The following HR variants were observed in gnomAD, a reference collection of about 807,000 sequenced individuals.
HR encodes HR lysine demethylase and nuclear receptor corepressor.
A neutral mutation model predicts 128.6 loss-of-function variants in HR; 83 were observed. The ratio of observed to expected loss-of-function variants is 0.65; its 90% confidence interval spans 0.54 to 0.77. The LOEUF is 0.77. Among genes scored for constraint, HR ranks in the 30% least tolerant of loss-of-function variants. The pLI is 0.00. For missense variants in HR, 1,490 were observed against 1,574.6 expected (o/e 0.95, Z 0.91); for synonymous variants, 681 against 658.2 (o/e 1.03, Z -0.53).
intron 12 of HR, 79 bp from the exon 13 acceptor site, chr8:22,120,252 G>C (rs954163199): frequency 1.9e-6 from 3 of 1,607,562 alleles, no homozygotes; most frequent in Middle Eastern, 1.6e-4. Context: ...CCTGCTTCCA[G>C]CCCCTCGGGG....
chr8:22,119,125 G>C, intron 15 of HR, 39 bp downstream of exon 15: 1 of 1,613,720 alleles, frequency 6.2e-7, no homozygotes, highest in Non-Finnish European at 8.5e-7. Flanking sequence ...ACTCACCTCT[G>C]TAGCTTGTCC....
At chr8:22,126,677 C>T (rs988159206) in intron 3 of HR, among the ~76,000 whole-genome samples, 51 of 152,364 alleles carry the variant, frequency 3.3e-4, no homozygotes, top group African/African-American at 1.2e-3. Context: ...TCTTCTTCCC[C>T]ATTTTATAGA....
chr8:22,122,835 GC>G lies in HR; in HGVS notation c.1959del (p.His654ThrfsTer6). On this transcript the variant is annotated frameshift_variant, in exon 7 of 19. Transcript: ENST00000381418. LOFTEE classifies it high-confidence loss of function. Reference protein sequence around the residue: ...QSAEECTQEAGHAACSLMLTQ... With the variant: ...QSAEECTQEAXHAACSLMLTQ... ...GTCAGCATCAGGGAACAGGCAGCGT[GC>G]CCGGCCTCCTGCGTGCACTCCTCCG... The G allele has an allele frequency of 6.4e-7, 1 of 1,556,324 alleles. No homozygotes were observed. The highest frequency in any genetic ancestry group is 8.7e-7 in the Non-Finnish European group (1 of 1,150,074).
chr8:22,129,546 A>T (rs1826996490), intron 1 of HR, among the ~76,000 whole-genome samples: 6 of 152,250 alleles, frequency 3.9e-5, no homozygotes, highest in Admixed American at 3.3e-4. Flanking sequence ...CACTGAATGA[A>T]GAAAAAGGCT....
At position 22,115,828 on chromosome 8, in the gene HR, C is replaced by T. The variant is rs1330697742; in HGVS notation, c.3508-66G>A. On this transcript the variant is annotated intron_variant, in intron 18 of 18. Transcript: ENST00000381418. ...CCTGGGCCCACCCGCTGTCCCCCAC[C>T]CTACTTAAAAGGAATACTCTGGCCA... is the stretch of plus-strand genomic sequence containing the variant. 3 of 1,501,938 alleles carry T rather than the reference C, an allele frequency of 2.0e-6. No homozygotes were observed. The Admixed American group carries it at 5.3e-5, about 26-fold the overall frequency. The allele number at this position is 1,501,938 out of a possible 1,614,324, so 93.0% of individuals were successfully genotyped here. A position where few individuals can be genotyped will look rare whatever the true frequency, so the allele number is the denominator to read the frequency against.
rs1586382512 is a variant in HR at position 22,125,687 on chromosome 8, T to C, written c.1451A>G (p.Asp484Gly). The C allele has an allele frequency of 6.2e-7, 1 of 1,613,916 alleles. No individual in the cohort carries two copies. The highest frequency in any genetic ancestry group is 1.7e-5 in the Admixed American group (1 of 60,000). ...TGCAGGGAGAGCCAGGCATGGTATG[T>C]CCTGAAGTCCCGGGTCCTGGAGACT... ...QASLQDPGLQ[D>G]IPCLALPAKL... The change falls in exon 4 of 19, where the codon GAC becomes GGC. Residue 484 changes from aspartate (D) to glycine (G), a missense_variant. Asp to Gly is a moderately conservative substitution (Grantham distance 94). Transcript: ENST00000381418.
Position 22,119,007 on chromosome 8 carries a change from A to G in HR, c.3156T>C (p.Thr1052=), listed in dbSNP as rs771606156. ...CCTGTGCCCGGAACACGTGCCACAC[A>G]GTGCTGACCTGGCTGCCCGGAGACC... ...GLWSPGSQVS[T]VWHVFRAQDA... is the part of the protein sequence containing the mutation. The change falls in exon 16 of 19, where the codon ACT becomes ACC. Residue 1052 remains threonine, a synonymous_variant. Transcript: ENST00000381418. 2.5e-6 allele frequency: 4 copies of G among 1,612,954 alleles called. No individual in the cohort carries two copies. Among genetic ancestry groups the G allele is most frequent in the African/African-American group, 2.7e-5 (2 of 74,938 alleles).
chr8:22,128,436 C>CT, intron 2 of HR, 123 bp downstream of exon 2: 1 of 1,374,130 alleles, frequency 7.3e-7, no homozygotes, highest in Non-Finnish European at 1.0e-6. Flanking sequence ...CAGCTCCAAG[C>CT]TGATAGACCC....
chr8:22,117,442 C>T (rs527558555), intron 16 of HR: 4 of 194,270 alleles, frequency 2.1e-5, no homozygotes, highest in African/African-American at 9.4e-5. Context: ...CATCTGAAGT[C>T]TTTGGAATGG....
Position 22,116,500 on chromosome 8 carries a change from T to G in HR, c.3379-72A>C. Reference sequence around the variant, plus strand: ...CTCCCTGTCCCCCTGGTCCCTGAGGTTCGCTTCCTCTAATGACAACCACCC... The same window carrying G: ...CTCCCTGTCCCCCTGGTCCCTGAGGGTCGCTTCCTCTAATGACAACCACCC... On this transcript the variant is annotated intron_variant, in intron 17 of 18. Coordinates refer to ENST00000381418, the MANE Select transcript of HR (RefSeq NM_005144.5). The surrounding 1 kb of genome is among the most constrained non-coding windows in gnomAD (Gnocchi z 4.2). 1 of 1,564,370 alleles carries G rather than the reference T, an allele frequency of 6.4e-7. No homozygotes were observed. Among genetic ancestry groups the G allele is most frequent in the South Asian group, 1.2e-5 (1 of 84,944 alleles).
intron 16 of HR, 57 bp downstream of exon 16, chr8:22,118,893 G>C: frequency 6.8e-7 from 1 of 1,474,504 alleles, no homozygotes; most frequent in Non-Finnish European, 9.4e-7. Flanking sequence ...GGGTGGGACT[G>C]GACGAGCTTC....
chr8:22,118,610 A>C, intron 16 of HR: 1 of 355,848 alleles, frequency 2.8e-6, no homozygotes, highest in Non-Finnish European at 5.3e-6. Flanking sequence ...GCCAATGGGA[A>C]AGGAGCAGTG....
At position 22,120,716 on chromosome 8, in the gene HR, C is replaced by T; in HGVS notation, c.2610G>A (p.Gln870=). The T allele has an allele frequency of 6.7e-7, 1 of 1,500,722 alleles. No individual in the cohort carries two copies. The highest frequency in any genetic ancestry group is 8.9e-7 in the Non-Finnish European group (1 of 1,126,886). 93.0% of individuals were successfully genotyped at this position (1,500,722 alleles called of 1,614,324 possible). A position where few individuals can be genotyped will look rare whatever the true frequency, so the allele number is the denominator to read the frequency against. The change falls in exon 11 of 19, where the codon CAG becomes CAA. Residue 870 remains glutamine, a splice_region_variant and synonymous_variant. Transcript: ENST00000381418. ...GGAGGGGAGGGGAGGGGTGCCTCAC[C>T]TGGCCCTGCCTCCAGTGCTCCTGGA... ...HLFQEHWRQG[Q]PVLVSGIQRT...
In HR at chr8:22,115,627, C is replaced by T. The variant is rs1193192643; in HGVS notation, c.*73G>A. The T allele has an allele frequency of 4.5e-6, 6 of 1,343,152 alleles. No homozygotes were observed. Among genetic ancestry groups the T allele is most frequent in the Middle Eastern group, 1.8e-4 (1 of 5,478 alleles). 83.2% of individuals were successfully genotyped at this position (1,343,152 alleles called of 1,614,324 possible). ...TCCCCAAGTCCCCTAGCGCCATCCCCTGCTGAAGTTGTGCCTGGGCTGAGC... is the reference window on the plus strand; with the variant it reads ...TCCCCAAGTCCCCTAGCGCCATCCCTTGCTGAAGTTGTGCCTGGGCTGAGC... On this transcript the variant is annotated 3_prime_UTR_variant, in exon 19 of 19. Coordinates refer to ENST00000381418, the MANE Select transcript of HR (RefSeq NM_005144.5).
chr8:22,123,616 A>ACACCC, intron 6 of HR, 33 bp downstream of exon 6: 3 of 562,348 alleles, frequency 5.3e-6, no homozygotes, highest in Non-Finnish European at 6.0e-6. Flanking sequence ...TGAGGGCTCC[A>ACACCC]TCCCGCCCTC....
Position 22,128,813 on chromosome 8 carries a change from C to A in HR, c.358G>T (p.Gly120Cys), listed in dbSNP as rs1826970967. 1 of 1,612,952 alleles carries A rather than the reference C, an allele frequency of 6.2e-7. No individual in the cohort carries two copies. Among genetic ancestry groups the A allele is most frequent in the Non-Finnish European group, 8.5e-7 (1 of 1,179,892 alleles). ...FCGPACPPRC[G>C]PLMPEHSGGH... ...CCACTATGCTCAGGCATCAGGGGGC[C>A]ACAGCGAGGTGGGCACGCTGGCCCG... The change falls in exon 2 of 19, where the codon GGC (glycine) becomes TGC (cysteine). Residue 120 changes from glycine (G) to cysteine (C), a missense_variant. Transcript: ENST00000381418.
Position 22,121,114 on chromosome 8 carries a change from T to G in HR, c.2318A>C (p.His773Pro). Reference sequence around the variant, plus strand: ...GGCGAAGGCCATGTGTATTCGCTCATGGCCCAAGCAGAGTTTGACCGCGGT... The same window carrying G: ...GGCGAAGGCCATGTGTATTCGCTCAGGGCCCAAGCAGAGTTTGACCGCGGT... The part of the protein sequence containing the change: ...ASTAVKLCLG[H>P]ERIHMAFAPV... Residue 773 changes from histidine to proline, a missense_variant, in exon 10 of 19, where the codon CAT (histidine) becomes CCT (proline). Around this residue, in one of 3 missense-constraint regions of HR, gnomAD observed 1,060 missense variants for 1,060.9 expected, o/e 1.00. Coordinates refer to ENST00000381418, the MANE Select transcript of HR (RefSeq NM_005144.5). 1 of 1,613,848 alleles carries G rather than the reference T, an allele frequency of 6.2e-7. No homozygotes were observed. Among genetic ancestry groups the G allele is most frequent in the African/African-American group, 1.3e-5 (1 of 75,056 alleles).
At position 22,119,871 on chromosome 8, in the gene HR, T is replaced by C; in HGVS notation, c.2866A>G (p.Ser956Gly). 1 of 1,613,674 alleles carries C rather than the reference T, an allele frequency of 6.2e-7. No homozygotes were observed. Among genetic ancestry groups the C allele is most frequent in the Non-Finnish European group, 8.5e-7 (1 of 1,180,012 alleles). Residue 956 changes from serine (S) to glycine (G), a missense_variant, in exon 14 of 19, where the codon AGT becomes GGT. Around this residue, in one of 3 missense-constraint regions of HR, gnomAD observed 423 missense variants for 495.9 expected, o/e 0.85. Coordinates refer to ENST00000381418, the MANE Select transcript of HR (RefSeq NM_005144.5). ...DTSRVENLAA[S>G]LPLPEYCALH... ...GCGCAGTACTCCGGAAGTGGCAGAC[T>C]GGCAGCTAGGTTCTCCACCCTGTCA...
chr8:22,128,086 G>A (rs1826947961), intron 2 of HR: 1 of 589,984 alleles, frequency 1.7e-6, no homozygotes, highest in Non-Finnish European at 3.0e-6. Flanking sequence ...CAGCCAAAGG[G>A]CATCTGGGGT....
Sources: gnomAD v4.1 joint callset for allele counts (sites outside exome capture counted in the v4.1 genomes callset) on GRCh38, gnomAD v4.1.1 for gene constraint, gnomAD v4.1.1 regional missense constraint, Gnocchi (gnomAD v3.1) non-coding constraint, MANE v1.5 for transcripts, NCBI Gene and HGNC (gene_info 2026-07-23, HGNC 2026-07-21) for gene names.